IQSEC1: variants seen among roughly 807,000 people sequenced by gnomAD.
The protein encoded by IQSEC1 is IQ motif and Sec7 domain ArfGEF 1.
IQSEC1 carries 31 observed loss-of-function variants against 91.0 expected under a neutral mutation model. The observed-to-expected ratio is 0.34, with a 90% confidence interval of 0.26 to 0.46. The LOEUF is 0.46. Ranked by LOEUF, IQSEC1 falls within the 20% of genes least tolerant of loss-of-function variation. The probability of loss-of-function intolerance (pLI) is 1.00; values close to 1 mark genes in which losing one functional copy is unlikely to be tolerated. For synonymous variants in IQSEC1, 699 were observed against 662.6 expected, an observed-to-expected ratio of 1.05 and a Z score of -0.84; for missense variants, 1,388 against 1,575.6, an observed-to-expected ratio of 0.88 and a Z score of 2.02.
chr3:13,134,056 A>G (rs1000424318), intron 2 of IQSEC1, among the ~76,000 whole-genome samples: 5 of 152,222 alleles, frequency 3.3e-5, no homozygotes, highest in African/African-American at 1.2e-4. Flanking sequence ...AAATACGAAA[A>G]TGGGTCAGTG....
At chr3:13,136,962 C>A (rs1192462584) in intron 2 of IQSEC1, among the ~76,000 whole-genome samples, 1 of 152,148 alleles carries the variant, frequency 6.6e-6, no homozygotes, top group Non-Finnish European at 1.5e-5. Context: ...CATAGTGAGA[C>A]CCCTGTCTCT....
intron 13 of IQSEC1, among the ~76,000 whole-genome samples, chr3:12,902,369 A>G (rs566423094): frequency 6.6e-6 from 1 of 152,002 alleles, no homozygotes; most frequent in Admixed American, 6.5e-5. Context: ...AAAACATCCA[A>G]CAGCAAGTGT....
intron 2 of IQSEC1, among the ~76,000 whole-genome samples, chr3:13,137,376 A>G (rs1175981528): frequency 1.1e-4 from 16 of 152,254 alleles, no homozygotes; most frequent in Non-Finnish European, 1.0e-4. Flanking sequence ...GCTGCACACA[A>G]TAGCATGGAT....
At chr3:13,133,167 C>G (rs766275592) in intron 2 of IQSEC1, among the ~76,000 whole-genome samples, 5 of 152,180 alleles carry the variant, frequency 3.3e-5, no homozygotes, top group Non-Finnish European at 7.3e-5. Context: ...CAGGCTGTCT[C>G]GATTCTTGGA....
Position 12,941,826 on chromosome 3 carries a change from G to T in IQSEC1, c.63C>A (p.Ser21=), listed in dbSNP as rs1293041708. The change falls in exon 2 of 14, where the codon TCC becomes TCA. Residue 21 remains serine (S), a synonymous_variant. Transcript: ENST00000613206. ...GEAPSSETGT[S]LDSPSAYPQG... The stretch of plus-strand genomic sequence containing the variant: ...GGGGGTAGGCTGAGGGGCTGTCCAG[G>T]GATGTGCCAGTCTCACTGCTGGGGG... 6.2e-7 allele frequency: 1 copy of T among 1,608,466 alleles called. No homozygotes were observed. The highest frequency in any genetic ancestry group is 1.1e-5 in the South Asian group (1 of 90,482).
chr3:13,240,726 G>C (rs1050245838), intron 1 of IQSEC1, among the ~76,000 whole-genome samples: 1 of 152,170 alleles, frequency 6.6e-6, no homozygotes, highest in African/African-American at 2.4e-5. Context: ...CTCAAGAAAT[G>C]CTCACAGCTG....
In IQSEC1 at chr3:12,899,797, G is replaced by A; in HGVS notation, c.*1186C>T. The A allele has an allele frequency of 4.1e-6, 4 of 985,432 alleles. No homozygotes were observed. The highest frequency in any genetic ancestry group is 4.8e-6 in the Non-Finnish European group (4 of 829,934). 61.0% of individuals were successfully genotyped at this position (985,432 alleles called of 1,614,324 possible). A position where few individuals can be genotyped will look rare whatever the true frequency, so the allele number is the denominator to read the frequency against. ...GTGGTTCCTGATGAAAACACTCTCT[G>A]AGGGCTTCGGCCTGGTGTGGGTTGG... On this transcript the variant is annotated 3_prime_UTR_variant, in exon 14 of 14. Coordinates refer to ENST00000613206, the MANE Select transcript of IQSEC1 (RefSeq NM_001134382.3).
At chr3:13,178,631 G>A (rs1426217305) in intron 1 of IQSEC1, among the ~76,000 whole-genome samples, 2 of 152,222 alleles carry the variant, frequency 1.3e-5, no homozygotes, top group African/African-American at 2.4e-5. Flanking sequence ...GAGATCTCAG[G>A]TGGCAGGCAA....
chr3:12,913,100 T>C (rs1457401650), intron 9 of IQSEC1, among the ~76,000 whole-genome samples: 1 of 152,234 alleles, frequency 6.6e-6, no homozygotes, highest in Non-Finnish European at 1.5e-5. Flanking sequence ...TGGGGCCACC[T>C]TCCCCTTCCT....
At chr3:13,229,598 C>A (rs1395680645) in intron 1 of IQSEC1, among the ~76,000 whole-genome samples, 3 of 152,182 alleles carry the variant, frequency 2.0e-5, no homozygotes, top group African/African-American at 7.2e-5. Context: ...GAGGGGTCAG[C>A]AGGGACTTCG....
intron 1 of IQSEC1, among the ~76,000 whole-genome samples, chr3:13,189,215 G>A (rs1693980772): frequency 2.0e-5 from 3 of 152,216 alleles, no homozygotes; most frequent in Admixed American, 2.0e-4. Flanking sequence ...TCCTTCCTGT[G>A]CCCATGACAT....
At chr3:13,106,016 T>C (rs1706145730) in intron 2 of IQSEC1, among the ~76,000 whole-genome samples, 2 of 152,220 alleles carry the variant, frequency 1.3e-5, no homozygotes, top group Non-Finnish European at 2.9e-5. Flanking sequence ...GGTTCCTTCC[T>C]GGTTAGAGGA....
At chr3:13,129,928 G>A (rs1576263571) in intron 2 of IQSEC1, among the ~76,000 whole-genome samples, 1 of 151,882 alleles carries the variant, frequency 6.6e-6, no homozygotes, top group African/African-American at 2.4e-5. Context: ...AAAGTGCTGG[G>A]ATTACAGGCG....
intron 1 of IQSEC1, among the ~76,000 whole-genome samples, chr3:13,269,050 G>T (rs1342139267): frequency 1.3e-5 from 2 of 152,252 alleles, no homozygotes; most frequent in Admixed American, 1.3e-4. Flanking sequence ...AAGAACAGAG[G>T]TGTGGGCTGG....
chr3:13,102,121 T>C (rs116202690), intron 2 of IQSEC1, among the ~76,000 whole-genome samples: 6,475 of 151,862 alleles, frequency 0.043, 259 homozygotes, highest in East Asian at 0.17. Context: ...CTACAAAAAA[T>C]GCAAAAATTA....
chr3:13,217,095 A>T (rs1392262324), intron 1 of IQSEC1, among the ~76,000 whole-genome samples: 2 of 143,650 alleles, frequency 1.4e-5, no homozygotes, highest in Admixed American at 6.8e-5. Flanking sequence ...TAGTGCTTTT[A>T]AAAAAAAAAT....
intron 1 of IQSEC1, among the ~76,000 whole-genome samples, chr3:13,005,561 G>C (rs999068238): frequency 3.9e-5 from 6 of 152,264 alleles, no homozygotes; most frequent in African/African-American, 1.4e-4. Flanking sequence ...TTCACAGCAG[G>C]CTGGGCTGGC....
chr3:13,049,057 G>A (rs576258407), intron 1 of IQSEC1, among the ~76,000 whole-genome samples: 1 of 152,270 alleles, frequency 6.6e-6, no homozygotes, highest in South Asian at 2.1e-4. Flanking sequence ...TCTGGGATGG[G>A]CAACAGGTTT....
chr3:13,076,593 C>A (rs917737077), upstream of IQSEC1, among the ~76,000 whole-genome samples: 4 of 152,074 alleles, frequency 2.6e-5, no homozygotes, highest in African/African-American at 7.2e-5. Flanking sequence ...GGCAGGGAGC[C>A]CCGAATCCCA....
Sources: gnomAD v4.1 joint callset for allele counts (sites outside exome capture counted in the v4.1 genomes callset) on GRCh38, gnomAD v4.1.1 for gene constraint, MANE v1.5 for transcripts, NCBI Gene and HGNC (gene_info 2026-07-23, HGNC 2026-07-21) for gene names.